KIF18B: variants seen among roughly 807,000 people sequenced by gnomAD.
The protein encoded by KIF18B is kinesin-like protein KIF18B.
Under a neutral mutation model 80.9 loss-of-function variants are expected in KIF18B, and 49 were observed. The ratio of observed to expected loss-of-function variants is 0.61; its 90% CI spans 0.48 to 0.77. KIF18B has a LOEUF of 0.77. Among genes scored for constraint, KIF18B ranks in the 30% least tolerant of loss-of-function variants. The pLI is 0.00. For missense variants in KIF18B, 994 were observed against 1,127.7 expected (o/e 0.88, Z 1.70); for synonymous variants, 439 against 463.9 (o/e 0.95, Z 0.69).
rs760837968 is a variant in KIF18B at position 44,929,031 on chromosome 17, C to G, written c.1518-7G>C. 3 of 1,613,704 alleles carry G rather than the reference C, an allele frequency of 1.9e-6. No homozygotes were observed. The highest frequency in any genetic ancestry group is 2.5e-6 in the Non-Finnish European group (3 of 1,179,668). The stretch of plus-strand genomic sequence containing the variant: ...CAGCACCTTTAGGGCCAACCTGGAA[C>G]AGAAGAAAGGGGATTCCCAGCCCTG... On this transcript the variant is annotated splice_region_variant and splice_polypyrimidine_tract_variant and intron_variant, in intron 11 of 15. Coordinates refer to ENST00000593135, the MANE Select transcript of KIF18B (RefSeq NM_001265577.2).
In KIF18B at chr17:44,936,379, C is replaced by A. The variant is rs1378068412; in HGVS notation, c.-14-21G>T. On this transcript the variant is annotated intron_variant, in intron 1 of 15. Transcript: ENST00000593135. ...GACACCTGGGTGAGACATGGTGGAG[C>A]TGAGGACCAATCCCACCCCAGGCCT... 2.5e-6 allele frequency: 4 copies of A among 1,569,152 alleles called. No homozygotes were observed. The African/African-American group carries it at 4.1e-5, about 16-fold the overall frequency.
rs3169733 is a variant in KIF18B at position 44,926,116 on chromosome 17, T to C, written c.2523A>G (p.Ala841=). Reference sequence around the variant, plus strand: ...TGGTGACGCCGTTCCCTGCTGAGAGTGCTCTCCCCACCCTGATGAGGTCCT... The same window carrying C: ...TGGTGACGCCGTTCCCTGCTGAGAGCGCTCTCCCCACCCTGATGAGGTCCT... The part of the protein sequence containing the change: ...NGKDLIRVGR[A]LSAGNGVTKV... The change falls in exon 16 of 16, where the codon GCA becomes GCG. Residue 841 remains alanine (A), a synonymous_variant. Coordinates refer to ENST00000593135, the MANE Select transcript of KIF18B (RefSeq NM_001265577.2). 0.29 allele frequency: 468,577 copies of C among 1,613,308 alleles called. 73,422 individuals carry two copies. Among genetic ancestry groups the C allele is most frequent in the African/African-American group, 0.55 (41,090 of 74,808 alleles).
rs773115915 is a variant in KIF18B, at chr17:44,934,238, C to A, written c.880G>T (p.Ala294Ser). The change falls in exon 6 of 16, where the codon GCA becomes TCA. Residue 294 changes from alanine (A) to serine (S), a missense_variant. Ala to Ser is a moderately conservative substitution (Grantham distance 99, BLOSUM62 1). Transcript: ENST00000593135. The surrounding 1 kb of genome is among the most constrained non-coding windows in gnomAD (Gnocchi z 5.4). ...ACTGGCCTGTGCTGCTTTACCTTTG[C>A]ATCGGCCAAGGCATTGAGGACGTTG... ...LINVLNALAD[A>S]KGRKTHVPYR... 2 of 1,609,746 alleles carry A rather than the reference C, an allele frequency of 1.2e-6. No homozygotes were observed. The highest frequency in any genetic ancestry group is 1.3e-5 in the African/African-American group (1 of 74,890).
chr17:44,946,973 G>C (rs1042172463), intron 1 of KIF18B, among the ~76,000 whole-genome samples: 1 of 151,824 alleles, frequency 6.6e-6, no homozygotes, highest in African/African-American at 2.4e-5. Context: ...GCTGAATGTG[G>C]TGGTGGGCGC....
At chr17:44,935,441 G>A (rs775594350) in intron 2 of KIF18B, 25 bp from the exon 3 acceptor site, 2 of 1,571,936 alleles carry the variant, frequency 1.3e-6, no homozygotes, top group African/African-American at 1.4e-5. Context: ...GTAAGGAGGA[G>A]GACCCCAGTG....
chr17:44,935,426 A>T lies in KIF18B; in HGVS notation c.314-10T>A, dbSNP rs369991496. 3.1e-6 allele frequency: 5 copies of T among 1,592,946 alleles called. No individual in the cohort carries two copies. In the African/African-American group the frequency reaches 6.7e-5, roughly 21 times the overall value. ...GCCCCGTAGGCAAACACTGCAGAGG[A>T]CATAGTAAGGAGGAGGACCCCAGTG... On this transcript the variant is annotated splice_polypyrimidine_tract_variant and intron_variant, in intron 2 of 15. Transcript: ENST00000593135.
At chr17:44,941,034 C>G (rs1183660459) in intron 1 of KIF18B, among the ~76,000 whole-genome samples, 1 of 152,156 alleles carries the variant, frequency 6.6e-6, no homozygotes, top group Admixed American at 6.5e-5. Context: ...CTTTTATCCC[C>G]ATTGCAATCT....
At position 44,928,311 on chromosome 17, in the gene KIF18B, G is replaced by C; in HGVS notation, c.1991C>G (p.Pro664Arg). 4.3e-6 allele frequency: 7 copies of C among 1,613,012 alleles called. No individual in the cohort carries two copies. In the South Asian group the frequency reaches 7.7e-5, roughly 18 times the overall value. The change falls in exon 13 of 16, where the codon CCT becomes CGT. Residue 664 changes from proline (P) to arginine (R), a missense_variant. Physicochemically the swap from Pro to Arg is moderately radical, Grantham distance 103. Coordinates refer to ENST00000593135, the MANE Select transcript of KIF18B (RefSeq NM_001265577.2). ...FLPCLRRGSL[P>R]DTQPSQGPST... Reference sequence around the variant, plus strand: ...GGGCCCCTGTGAAGGTTGGGTGTCAGGCAGAGACCCTCTCCTTAGGCAGGG... The same window carrying C: ...GGGCCCCTGTGAAGGTTGGGTGTCACGCAGAGACCCTCTCCTTAGGCAGGG...
rs371204841 is a variant in KIF18B, at chr17:44,935,268, G to A, written c.462C>T (p.Ser154=). ...GGCAGGGGCAGCCGACCTCCTGGTA[G>A]CTGATGAGCACCTCGAAGTGCTTCT... ...QQEKHFEVLI[S]YQEVYNEQIH... Residue 154 remains serine, a synonymous_variant, in exon 3 of 16, where the codon AGC becomes AGT. Transcript: ENST00000593135. 15 of 1,605,640 alleles carry A rather than the reference G, an allele frequency of 9.3e-6. No homozygotes were observed. The South Asian group carries it at 1.6e-4, about 17-fold the overall frequency.
rs1367978675 is a variant in KIF18B at position 44,927,114 on chromosome 17, A to G, written c.2277-36T>C. The G allele has an allele frequency of 6.6e-7, 1 of 1,525,762 alleles. No homozygotes were observed. The highest frequency in any genetic ancestry group is 1.2e-5 in the South Asian group (1 of 82,170). 94.5% of individuals were successfully genotyped at this position (1,525,762 alleles called of 1,614,324 possible). A position where few individuals can be genotyped will look rare whatever the true frequency, so the allele number is the denominator to read the frequency against. ...AGGACAGGGAAGGAGGCTGATCAGC[A>G]GGGAACCGGAAGCAAGGCCAGCCAC... is the stretch of plus-strand genomic sequence containing the variant. On this transcript the variant is annotated intron_variant, in intron 13 of 15. Coordinates refer to ENST00000593135, the MANE Select transcript of KIF18B (RefSeq NM_001265577.2). The surrounding 1 kb of genome is among the most constrained non-coding windows in gnomAD (Gnocchi z 4.1).
At chr17:44,941,720 G>A (rs951630854) in intron 1 of KIF18B, among the ~76,000 whole-genome samples, 2 of 152,174 alleles carry the variant, frequency 1.3e-5, no homozygotes, top group African/African-American at 4.8e-5. Flanking sequence ...GGCACCCGGG[G>A]AAGGGAAGGC....
In KIF18B at chr17:44,932,087, G is replaced by C; in HGVS notation, c.1358C>G (p.Pro453Arg). 6.2e-7 allele frequency: 1 copy of C among 1,613,574 alleles called. No homozygotes were observed. The highest frequency in any genetic ancestry group is 1.3e-5 in the African/African-American group (1 of 75,032). Residue 453 changes from proline (P) to arginine (R), a missense_variant, in exon 10 of 16, where the codon CCA becomes CGA. Coordinates refer to ENST00000593135, the MANE Select transcript of KIF18B (RefSeq NM_001265577.2). Reference sequence around the variant, plus strand: ...AGCTGGGCCTTCATCCTCATCCTCTGGGGACTGCTCCTGGTCTGAAGAGTT... The same window carrying C: ...AGCTGGGCCTTCATCCTCATCCTCTCGGGACTGCTCCTGGTCTGAAGAGTT... The part of the protein sequence containing the change: ...EGNSSDQEQS[P>R]EDEDEGPAEE...
chr17:44,933,018 G>A, intron 7 of KIF18B, 32 bp from the exon 8 acceptor site: 1 of 1,586,494 alleles, frequency 6.3e-7, no homozygotes, highest in Non-Finnish European at 8.6e-7. Flanking sequence ...AGATTTATTT[G>A]TTCATTCAAA....
At chr17:44,944,681 G>A (rs1190983948) in intron 1 of KIF18B, among the ~76,000 whole-genome samples, 1 of 152,126 alleles carries the variant, frequency 6.6e-6, no homozygotes, top group Non-Finnish European at 1.5e-5. Context: ...GTGGAATTTG[G>A]TATAGGTTTT....
At position 44,928,848 on chromosome 17, in the gene KIF18B, G is replaced by T. The variant is rs750413718; in HGVS notation, c.1694C>A (p.Pro565His). Reference sequence around the variant, plus strand: ...CTCTGAACACAGCTCCTGAGCCAGAGGTGCCCCCCTGGCCAGGCCTGAAGT... The same window carrying T: ...CTCTGAACACAGCTCCTGAGCCAGATGTGCCCCCCTGGCCAGGCCTGAAGT... ...LRTSGLARGAPLAQELCSESI... is the reference protein window; with the variant it reads ...LRTSGLARGAHLAQELCSESI... Residue 565 changes from proline to histidine, a missense_variant, in exon 12 of 16, where the codon CCT becomes CAT. Transcript: ENST00000593135. 9.3e-6 allele frequency: 15 copies of T among 1,613,848 alleles called. No homozygotes were observed. The highest frequency in any genetic ancestry group is 1.2e-5 in the Non-Finnish European group (14 of 1,179,832).
chr17:44,925,873 G>A lies in KIF18B; in HGVS notation c.*207C>T. On this transcript the variant is annotated 3_prime_UTR_variant, in exon 16 of 16. Coordinates refer to ENST00000593135, the MANE Select transcript of KIF18B (RefSeq NM_001265577.2). ...ATGAATATGTACATGCCAAGAAGCT[G>A]AGTGTAACAGGAGATTAACAGAGGG... 1 of 611,020 alleles carries A rather than the reference G, an allele frequency of 1.6e-6. No homozygotes were observed. The highest frequency in any genetic ancestry group is 2.9e-6 in the Non-Finnish European group (1 of 343,782). 37.8% of individuals were successfully genotyped at this position (611,020 alleles called of 1,614,324 possible). A position where few individuals can be genotyped will look rare whatever the true frequency, so the allele number is the denominator to read the frequency against.
At position 44,932,084 on chromosome 17, in the gene KIF18B, T is replaced by C; in HGVS notation, c.1361A>G (p.Glu454Gly). Residue 454 changes from glutamate to glycine, a missense_variant, in exon 10 of 16, where the codon GAG becomes GGG. Transcript: ENST00000593135. The stretch of plus-strand genomic sequence containing the variant: ...CTCAGCTGGGCCTTCATCCTCATCC[T>C]CTGGGGACTGCTCCTGGTCTGAAGA... ...GNSSDQEQSP[E>G]DEDEGPAEEV... is the part of the protein sequence containing the mutation. The C allele has an allele frequency of 1.2e-6, 2 of 1,613,642 alleles. No homozygotes were observed. Among genetic ancestry groups the C allele is most frequent in the Non-Finnish European group, 1.7e-6 (2 of 1,179,758 alleles).
chr17:44,939,936 T>C (rs904729203), intron 1 of KIF18B, among the ~76,000 whole-genome samples: 3 of 152,226 alleles, frequency 2.0e-5, no homozygotes, highest in Admixed American at 6.5e-5. Flanking sequence ...CCTGAGCAGC[T>C]GGGATTACAG....
intron 1 of KIF18B, among the ~76,000 whole-genome samples, chr17:44,947,241 G>A (rs529097462): frequency 2.6e-4 from 40 of 151,972 alleles, no homozygotes; most frequent in Middle Eastern, 6.8e-3. Context: ...CATGCAGGGA[G>A]TCCCAGGCCT....
Sources: allele counts gnomAD v4.1 joint callset (sites outside exome capture counted in the v4.1 genomes callset), GRCh38; gene constraint gnomAD v4.1.1; non-coding constraint Gnocchi (gnomAD v3.1); transcripts MANE v1.5; gene names NCBI Gene and HGNC (gene_info 2026-07-23, HGNC 2026-07-21).